Variants in CAMKMT observed in about 807,000 individuals in gnomAD.
CAMKMT encodes CaM KMT.
In CAMKMT, 53 loss-of-function variants were observed where a neutral mutation model predicts 48.0. The observed-to-expected ratio is 1.10, with a 90% CI of 0.89 to 1.39. The LOEUF is 1.39. Ranked by LOEUF, CAMKMT falls within the 40% of genes most tolerant of loss-of-function variation. CAMKMT has a pLI of 0.00. For missense variants in CAMKMT, 428 were observed against 402.7 expected, an observed-to-expected ratio of 1.06 and a Z score of -0.54; for synonymous variants, 165 against 152.3, an observed-to-expected ratio of 1.08 and a Z score of -0.61.
At chr2:44,537,650 G>A (rs773551112) in intron 3 of CAMKMT, among the ~76,000 whole-genome samples, 6 of 151,796 alleles carry the variant, frequency 4.0e-5, no homozygotes, top group Admixed American at 1.3e-4. Flanking sequence ...CTGCAGCCTC[G>A]ACCCCAGGGC....
chr2:44,636,515 G>A (rs1304845315), intron 3 of CAMKMT, among the ~76,000 whole-genome samples: 2 of 152,166 alleles, frequency 1.3e-5, no homozygotes, highest in Admixed American at 1.3e-4. Flanking sequence ...GAACCTGACT[G>A]GAATGGGACA....
intron 3 of CAMKMT, among the ~76,000 whole-genome samples, chr2:44,703,061 C>T (rs1677343272): frequency 6.6e-6 from 1 of 152,082 alleles, no homozygotes; most frequent in Admixed American, 6.6e-5. Context: ...TGCTCTCAGC[C>T]TTAGGAAGTG....
chr2:44,616,061 C>T (rs910461182), intron 3 of CAMKMT, among the ~76,000 whole-genome samples: 4 of 152,230 alleles, frequency 2.6e-5, no homozygotes, highest in Non-Finnish European at 5.9e-5. Flanking sequence ...AGCCTGGACA[C>T]CTCTTCTCCC....
intron 3 of CAMKMT, among the ~76,000 whole-genome samples, chr2:44,616,957 A>G (rs1052100483): frequency 6.6e-6 from 1 of 152,236 alleles, no homozygotes; most frequent in Admixed American, 6.5e-5. Flanking sequence ...CAGGAAAAAA[A>G]GCTGCAGAGT....
intron 1 of CAMKMT, among the ~76,000 whole-genome samples, chr2:44,363,371 C>T (rs192320798): frequency 6.6e-6 from 1 of 151,912 alleles, no homozygotes; most frequent in Admixed American, 6.6e-5. Flanking sequence ...GACTCAACCC[C>T]CCTTCCCCCC....
Position 44,704,286 on chromosome 2 carries a change from T to C in CAMKMT, c.380T>C (p.Ile127Thr). The change falls in exon 4 of 11, where the codon ATC (isoleucine) becomes ACC (threonine). Residue 127 changes from isoleucine to threonine, a missense_variant. Ile to Thr is a moderately conservative substitution (Grantham distance 89). Coordinates refer to ENST00000378494, the MANE Select transcript of CAMKMT (RefSeq NM_024766.5). The part of the protein sequence containing the change: ...TSFDNTGNVC[I>T]WPSEEVLAYY... ...TTTATCCTCTTGTGTTTTCTAGGCA[T>C]CTGGCCATCTGAAGAGGTTTTGGCT... The C allele has an allele frequency of 6.2e-7, 1 of 1,610,398 alleles. No individual in the cohort carries two copies. Among genetic ancestry groups the C allele is most frequent in the Non-Finnish European group, 8.5e-7 (1 of 1,178,128 alleles).
At chr2:44,394,436 T>A (rs1179659617) in intron 3 of CAMKMT, among the ~76,000 whole-genome samples, 1 of 152,018 alleles carries the variant, frequency 6.6e-6, no homozygotes, top group Admixed American at 6.6e-5. Flanking sequence ...ACCAGGATTT[T>A]TTTTTTTTTT....
At chr2:44,694,920 A>C (rs1676855204) in intron 3 of CAMKMT, among the ~76,000 whole-genome samples, 2 of 152,244 alleles carry the variant, frequency 1.3e-5, no homozygotes, top group African/African-American at 4.8e-5. Context: ...CTCCTATGAA[A>C]TAAACTCATT....
At chr2:44,713,343 G>GT (rs1232667527) in intron 6 of CAMKMT, among the ~76,000 whole-genome samples, 1 of 152,162 alleles carries the variant, frequency 6.6e-6, no homozygotes, top group Non-Finnish European at 1.5e-5. Flanking sequence ...ATGGCATGCG[G>GT]TTGGATGCCA....
chr2:44,376,846 A>G (rs1459880378), intron 2 of CAMKMT, among the ~76,000 whole-genome samples: 1 of 152,180 alleles, frequency 6.6e-6, no homozygotes, highest in African/African-American at 2.4e-5. Flanking sequence ...TAAACAATGT[A>G]AAAGTTAGGT....
intron 1 of CAMKMT, among the ~76,000 whole-genome samples, chr2:44,367,567 A>T (rs1678733586): frequency 6.6e-6 from 1 of 152,202 alleles, no homozygotes; most frequent in African/African-American, 2.4e-5. Flanking sequence ...ACAAATCCAA[A>T]ATCTGAACAA....
intron 3 of CAMKMT, among the ~76,000 whole-genome samples, chr2:44,662,110 A>C (rs1674709412): frequency 6.6e-6 from 1 of 152,216 alleles, no homozygotes; most frequent in African/African-American, 2.4e-5. Context: ...TCCACACTAT[A>C]GTACCTCAAG....
At chr2:44,759,676 G>T (rs1356107547) in intron 9 of CAMKMT, among the ~76,000 whole-genome samples, 1 of 152,084 alleles carries the variant, frequency 6.6e-6, no homozygotes, top group East Asian at 1.9e-4. Flanking sequence ...TTGACACAAG[G>T]GTTGTAGCTT....
chr2:44,394,268 C>T (rs1681614578), intron 3 of CAMKMT, among the ~76,000 whole-genome samples: 1 of 151,866 alleles, frequency 6.6e-6, no homozygotes, highest in Non-Finnish European at 1.5e-5. Flanking sequence ...CTCTACTATT[C>T]TTTGAAAAAA....
chr2:44,626,436 A>T (rs1443553459), intron 3 of CAMKMT, among the ~76,000 whole-genome samples: 1 of 152,138 alleles, frequency 6.6e-6, no homozygotes, highest in African/African-American at 2.4e-5. Flanking sequence ...AAAGGATTTT[A>T]TAGAATATTT....
chr2:44,521,001 C>G (rs1055819654), intron 3 of CAMKMT, among the ~76,000 whole-genome samples: 2 of 152,162 alleles, frequency 1.3e-5, no homozygotes, highest in African/African-American at 4.8e-5. Flanking sequence ...ATAAATTACC[C>G]AGTCGTGGGC....
intron 3 of CAMKMT, among the ~76,000 whole-genome samples, chr2:44,621,969 G>T (rs1404222928): frequency 6.6e-6 from 1 of 152,184 alleles, no homozygotes; most frequent in African/African-American, 2.4e-5. Context: ...ATGTAATTTG[G>T]AGGTAAAAGG....
At chr2:44,503,239 A>C (rs1014781650) in intron 3 of CAMKMT, among the ~76,000 whole-genome samples, 1 of 152,118 alleles carries the variant, frequency 6.6e-6, no homozygotes, top group Non-Finnish European at 1.5e-5. Flanking sequence ...TTGGCCCAAA[A>C]GCAAACAATG....
intron 3 of CAMKMT, among the ~76,000 whole-genome samples, chr2:44,634,320 G>A (rs1185867841): frequency 2.0e-5 from 3 of 151,714 alleles, no homozygotes; most frequent in African/African-American, 7.3e-5. Context: ...TCTGCTTGTA[G>A]TGATCTTAAG....
Sources: gnomAD v4.1 joint callset for allele counts (sites outside exome capture counted in the v4.1 genomes callset) on GRCh38, gnomAD v4.1.1 for gene constraint, MANE v1.5 for transcripts, NCBI Gene and HGNC (gene_info 2026-07-23, HGNC 2026-07-21) for gene names.